The following CNTNAP3B variants were observed in gnomAD, a reference collection of about 807,000 sequenced individuals.
The protein encoded by CNTNAP3B is contactin-associated protein-like 3B.
A neutral mutation model predicts 108.9 loss-of-function variants in CNTNAP3B; 25 were observed. That is an observed-to-expected ratio of 0.23 (90% CI 0.17 to 0.32). The LOEUF (loss-of-function observed/expected upper bound fraction) is 0.32. CNTNAP3B is among the 10% of genes least tolerant of loss of function. CNTNAP3B has a pLI of 1.00. For missense variants in CNTNAP3B, 252 were observed against 1,210.4 expected (o/e 0.21, Z 11.75); for synonymous variants, 103 against 473.4 (o/e 0.22, Z 10.16).
intron 9 of CNTNAP3B, among the ~76,000 whole-genome samples, chr9:41,974,040 G>A (rs1322543931): frequency 8.3e-6 from 1 of 120,018 alleles, no homozygotes; most frequent in African/African-American, 3.5e-5. Context: ...AGACAAGGTT[G>A]CACCATGTTG....
At chr9:41,923,497 C>A (rs1191207524) in intron 16 of CNTNAP3B, among the ~76,000 whole-genome samples, 1 of 152,238 alleles carries the variant, frequency 6.6e-6, no homozygotes, top group Non-Finnish European at 1.5e-5. Flanking sequence ...TGTGGCAGTT[C>A]ACACCTGTAA....
intron 17 of CNTNAP3B, among the ~76,000 whole-genome samples, chr9:41,920,726 A>G (rs1239204095): frequency 1.3e-5 from 2 of 152,312 alleles, no homozygotes; most frequent in Non-Finnish European, 2.9e-5. Context: ...TATAATGGTT[A>G]GGTATGAACT....
At chr9:42,109,598 C>T (rs1179705683) in intron 1 of CNTNAP3B, among the ~76,000 whole-genome samples, 4 of 144,828 alleles carry the variant, frequency 2.8e-5, no homozygotes, top group East Asian at 2.0e-4. Flanking sequence ...GATGGAGCTC[C>T]GAATTCATTA....
At chr9:41,951,904 C>T (rs552033500) in intron 13 of CNTNAP3B, among the ~76,000 whole-genome samples, 11 of 152,334 alleles carry the variant, frequency 7.2e-5, no homozygotes, top group South Asian at 6.2e-4. Context: ...CGGTGAAACC[C>T]CGTCTCTACT....
chr9:41,938,954 G>C (rs1824244455), intron 13 of CNTNAP3B, among the ~76,000 whole-genome samples: 1 of 152,152 alleles, frequency 6.6e-6, no homozygotes, highest in African/African-American at 2.4e-5. Context: ...GAATGACATT[G>C]ATAGGCTTTT....
intron 12 of CNTNAP3B, among the ~76,000 whole-genome samples, chr9:41,958,407 A>G: frequency 6.6e-6 from 1 of 152,220 alleles, no homozygotes; most frequent in Non-Finnish European, 1.5e-5. Flanking sequence ...CAGCTTCTCA[A>G]AGTAATAGGA....
rs1323670575 is a variant in CNTNAP3B at position 42,010,465 on chromosome 9, G to GGGTTCTGGCCTAA, written c.538+2900_538+2912dup. Among the ~76,000 whole-genome samples, 3 of 139,946 alleles carry GGGTTCTGGCCTAA rather than the reference G, an allele frequency of 2.1e-5. 1 individual carries two copies. Among genetic ancestry groups the GGGTTCTGGCCTAA allele is most frequent in the African/African-American group, 8.5e-5 (3 of 35,362 alleles). 91.8% of individuals were successfully genotyped at this position (139,946 alleles called of 152,430 possible). A position where few individuals can be genotyped will look rare whatever the true frequency, so the allele number is the denominator to read the frequency against. On this transcript the variant is annotated intron_variant, in intron 4 of 23. Transcript: ENST00000377561. ...GAGATAGATGCGTCAAGGACTTATA[G>GGGTTCTGGCCTAA]GGTTCTGGCCTAAGATTCTGGGAGT... is the stretch of plus-strand genomic sequence containing the variant.
Position 42,093,312 on chromosome 9 carries a change from T to C in CNTNAP3B, c.196+11317A>G, listed in dbSNP as rs1299074878. Among the ~76,000 whole-genome samples the C allele has an allele frequency of 4.2e-5, 4 of 95,664 alleles. 1 individual carries two copies. Among genetic ancestry groups the C allele is most frequent in the African/African-American group, 1.2e-4 (3 of 25,714 alleles). The allele number at this position is 95,664 out of a possible 152,430, so 62.8% of individuals were successfully genotyped here. On this transcript the variant is annotated intron_variant, in intron 2 of 23. Coordinates refer to ENST00000377561, the MANE Select transcript of CNTNAP3B (RefSeq NM_001201380.3). ...GTCAGCCGAGATCACGTCACTGCAC[T>C]CCAGCCTGGGTGACAGGGTGAGGCT...
At chr9:42,029,211 T>C (rs1406205939) in intron 3 of CNTNAP3B, among the ~76,000 whole-genome samples, 2 of 116,258 alleles carry the variant, frequency 1.7e-5, no homozygotes. Flanking sequence ...CCCTGAAAGA[T>C]GCTCAGCTGA....
chr9:41,940,165 A>C lies in CNTNAP3B; in HGVS notation c.2081-1765T>G, dbSNP rs1824291152. ...ATCCGAATCTCAAAAAGAGAGAACA[A>C]AGTGTGCTGAAAGAGTACTGAAAAA... On this transcript the variant is annotated intron_variant, in intron 13 of 23. Coordinates refer to ENST00000377561, the MANE Select transcript of CNTNAP3B (RefSeq NM_001201380.3). Among the ~76,000 whole-genome samples the C allele has an allele frequency of 2.0e-5, 3 of 152,412 alleles. No individual in the cohort carries two copies. The South Asian group carries it at 6.2e-4, about 32-fold the overall frequency.
At chr9:42,078,778 C>A (rs1475837413) in intron 2 of CNTNAP3B, among the ~76,000 whole-genome samples, 2 of 147,570 alleles carry the variant, frequency 1.4e-5, no homozygotes, top group Non-Finnish European at 3.0e-5. Context: ...TTATGTGAGC[C>A]CCTGCCAGAG....
In CNTNAP3B at chr9:41,964,659, A is replaced by G; in HGVS notation, c.1650-15T>C. The stretch of plus-strand genomic sequence containing the variant: ...TGGGCAAGCACCTAAAAGAAAACAG[A>G]TACAACTGCTGTTTCCCTTTTTCAA... On this transcript the variant is annotated splice_polypyrimidine_tract_variant and intron_variant, in intron 10 of 23. Transcript: ENST00000377561. 1 of 1,484,354 alleles carries G rather than the reference A, an allele frequency of 6.7e-7. No individual in the cohort carries two copies. The highest frequency in any genetic ancestry group is 8.9e-7 in the Non-Finnish European group (1 of 1,122,908). 91.9% of individuals were successfully genotyped at this position (1,484,354 alleles called of 1,614,324 possible). A position where few individuals can be genotyped will look rare whatever the true frequency, so the allele number is the denominator to read the frequency against.
At chr9:42,047,728 C>T (rs1174980989) in intron 3 of CNTNAP3B, among the ~76,000 whole-genome samples, 1 of 85,782 alleles carries the variant, frequency 1.2e-5, no homozygotes, top group Non-Finnish European at 2.3e-5. Flanking sequence ...TGCACCAGCA[C>T]CCTGCCCCTC....
chr9:42,078,513 T>C (rs1211581786), intron 2 of CNTNAP3B, among the ~76,000 whole-genome samples: 1 of 139,696 alleles, frequency 7.2e-6, no homozygotes, highest in East Asian at 2.1e-4. Flanking sequence ...TTTTGCTTTT[T>C]ATTGTTCTAT....
Position 42,046,074 on chromosome 9 carries a change from T to C in CNTNAP3B, c.390+30795A>G, listed in dbSNP as rs1196019522. Among the ~76,000 whole-genome samples, 3 of 125,926 alleles carry C rather than the reference T, an allele frequency of 2.4e-5. 1 individual carries two copies. The highest frequency in any genetic ancestry group is 6.5e-5 in the African/African-American group (2 of 30,900). The allele number at this position is 125,926 out of a possible 152,430, so 82.6% of individuals were successfully genotyped here. A position where few individuals can be genotyped will look rare whatever the true frequency, so the allele number is the denominator to read the frequency against. On this transcript the variant is annotated intron_variant, in intron 3 of 23. Coordinates refer to ENST00000377561, the MANE Select transcript of CNTNAP3B (RefSeq NM_001201380.3). ...CACAGAGCTGTTGTCCCCGTCTTCC[T>C]CCCCACAGTCAGTGCTGTGGGCTCA...
intron 2 of CNTNAP3B, among the ~76,000 whole-genome samples, chr9:42,093,084 C>T (rs1377212842): frequency 1.0e-5 from 1 of 97,558 alleles, no homozygotes; most frequent in South Asian, 3.1e-4. Context: ...CGGTGGCTCA[C>T]ACCTGTAATC....
chr9:42,112,302 T>C (rs1455876655), intron 1 of CNTNAP3B, among the ~76,000 whole-genome samples: 2 of 139,600 alleles, frequency 1.4e-5, no homozygotes, highest in African/African-American at 5.7e-5. Flanking sequence ...CTTACTCTTC[T>C]GAAATACTGA....
intron 13 of CNTNAP3B, among the ~76,000 whole-genome samples, chr9:41,943,245 G>C (rs1175851039): frequency 1.3e-5 from 2 of 152,156 alleles, no homozygotes; most frequent in African/African-American, 2.4e-5. Flanking sequence ...GCTGAGGAAA[G>C]AATCAGTGAG....
intron 3 of CNTNAP3B, among the ~76,000 whole-genome samples, chr9:42,041,823 C>A (rs1453109838): frequency 7.0e-6 from 1 of 143,616 alleles, no homozygotes; most frequent in African/African-American, 2.7e-5. Flanking sequence ...ATAGCAAAGA[C>A]TTGGAACCAA....
Sources: allele counts gnomAD v4.1 joint callset (sites outside exome capture counted in the v4.1 genomes callset), GRCh38; gene constraint gnomAD v4.1.1; transcripts MANE v1.5; gene names NCBI Gene and HGNC (gene_info 2026-07-23, HGNC 2026-07-21).